The following SLC4A8 variants were observed in gnomAD, a reference collection of about 807,000 sequenced individuals.
The protein encoded by SLC4A8 is solute carrier family 4 member 8, also known as electroneutral sodium bicarbonate exchanger 1.
A neutral mutation model predicts 125.0 loss-of-function variants in SLC4A8; 40 were observed. The observed-to-expected ratio is 0.32, with a 90% CI of 0.25 to 0.42. The LOEUF is 0.42. Among genes scored for constraint, SLC4A8 ranks in the 10% least tolerant of loss-of-function variants. The pLI, the probability that SLC4A8 is intolerant of heterozygous loss-of-function variation, is 1.00. For missense variants in SLC4A8, 863 were observed against 1,355.1 expected (o/e 0.64, Z 5.70); for synonymous variants, 456 against 476.0 (o/e 0.96, Z 0.55).
rs1166723291 is a variant in SLC4A8, at chr12:51,404,861, AT to A, written c.-112+13380del. Reference sequence around the variant, plus strand: ...TTCTTTTGTCTCTTTTTCTTTCCTTATTTTTTTCTTGTTTTGATTGAAATTT... The same window carrying A: ...TTCTTTTGTCTCTTTTTCTTTCCTTATTTTTTCTTGTTTTGATTGAAATTT... On this transcript the variant is annotated intron_variant, in intron 1 of 24. Coordinates refer to the SLC4A8 transcript ENST00000358657. Among the ~76,000 whole-genome samples, 90 of 147,116 alleles carry A rather than the reference AT, an allele frequency of 6.1e-4. No individual in the cohort carries two copies. In the East Asian group the frequency reaches 0.016, roughly 26 times the overall value.
chr12:51,429,370 G>A (rs903760368), intron 1 of SLC4A8, among the ~76,000 whole-genome samples: 15 of 152,202 alleles, frequency 9.9e-5, no homozygotes, highest in African/African-American at 3.6e-4. Flanking sequence ...CACTCACTAA[G>A]TGTTTGGGAA....
At chr12:51,430,637 G>T (rs1274142223) in intron 1 of SLC4A8, among the ~76,000 whole-genome samples, 1 of 152,048 alleles carries the variant, frequency 6.6e-6, no homozygotes, top group African/African-American at 2.4e-5. Flanking sequence ...CTTGAGCAGA[G>T]AACTGGGGAC....
At chr12:51,418,719 C>A (rs1948731130) in intron 1 of SLC4A8, among the ~76,000 whole-genome samples, 1 of 151,986 alleles carries the variant, frequency 6.6e-6, no homozygotes, top group South Asian at 2.1e-4. Flanking sequence ...TTCCTTTTTG[C>A]CCCAGTCCTA....
intron 19 of SLC4A8, among the ~76,000 whole-genome samples, chr12:51,493,196 A>G (rs2138411577): frequency 6.6e-6 from 1 of 152,272 alleles, no homozygotes; most frequent in East Asian, 1.9e-4. Flanking sequence ...GCAGTATAAT[A>G]ATGTCGGTGT....
At chr12:51,438,744 A>G (rs1949497332) in intron 1 of SLC4A8, among the ~76,000 whole-genome samples, 1 of 152,128 alleles carries the variant, frequency 6.6e-6, no homozygotes, top group Non-Finnish European at 1.5e-5. Context: ...ATTCCCACCA[A>G]CAGTGTATAA....
rs544140554 is a variant in SLC4A8 at position 51,400,673 on chromosome 12, A to T, written c.-112+9185A>T. Among the ~76,000 whole-genome samples, 270 of 143,028 alleles carry T rather than the reference A, an allele frequency of 1.9e-3. 2 individuals are homozygous for T. The highest frequency in any genetic ancestry group is 0.017 in the Admixed American group (234 of 14,128). 93.8% of individuals were successfully genotyped at this position (143,028 alleles called of 152,430 possible). On this transcript the variant is annotated intron_variant, in intron 1 of 24. Coordinates refer to the SLC4A8 transcript ENST00000358657. ...GGGGTATAGATTGTCTAGTTTGTTT[A>T]TATGACATAACTTTTTTCCAACGGT...
intron 14 of SLC4A8, among the ~76,000 whole-genome samples, chr12:51,472,550 T>G (rs549508094): frequency 1.3e-5 from 2 of 152,376 alleles, no homozygotes; most frequent in South Asian, 4.1e-4. Flanking sequence ...AGGTTGATTC[T>G]TTGACCTCTT....
intron 1 of SLC4A8, among the ~76,000 whole-genome samples, chr12:51,393,038 TTTTC>T (rs1272766452): frequency 1.1e-4 from 14 of 128,612 alleles, no homozygotes; most frequent in Admixed American, 1.6e-4. Context: ...CTTTTTTCTT[TTTTC>T]TTTCTTTCTT....
chr12:51,514,210 T>A lies in SLC4A8; in HGVS notation c.*6772T>A, dbSNP rs773657210. 2.0e-5 allele frequency: 3 copies of A among 152,664 alleles called. No individual in the cohort carries two copies. Among genetic ancestry groups the A allele is most frequent in the Non-Finnish European group, 4.4e-5 (3 of 68,050 alleles). 9.5% of individuals were successfully genotyped at this position (152,664 alleles called of 1,614,324 possible). ...TGTCTTTGCCAATTTGTTCCTGGAT[T>A]TTCCTTGAACTTCTCAGGTTTCCAA... is the stretch of plus-strand genomic sequence containing the variant. On this transcript the variant is annotated 3_prime_UTR_variant, in exon 25 of 25. Transcript: ENST00000453097.
intron 18 of SLC4A8, 129 bp from the exon 19 acceptor site, chr12:51,489,571 G>T (rs752345163): frequency 5.9e-6 from 7 of 1,180,484 alleles, no homozygotes; most frequent in Non-Finnish European, 8.3e-6. Flanking sequence ...GACTCCTCTT[G>T]GATCCCTGAA....
At chr12:51,438,764 C>T (rs1438804782) in intron 1 of SLC4A8, among the ~76,000 whole-genome samples, 1 of 152,180 alleles carries the variant, frequency 6.6e-6, no homozygotes, top group African/African-American at 2.4e-5. Flanking sequence ...AGGGTTCTTT[C>T]TTCTTCATAT....
At position 51,474,372 on chromosome 12, in the gene SLC4A8, C is replaced by G. The variant is rs1357871237; in HGVS notation, c.1935C>G (p.Asn645Lys). The change falls in exon 15 of 25, where the codon AAC becomes AAG. Residue 645 changes from asparagine (N) to lysine (K), a missense_variant. Transcript: ENST00000453097. ...GGTGTACTCTGCCAGAGAATCCAAA[C>G]AATCACACCCTCCAGTACTGGAAGG... is the stretch of plus-strand genomic sequence containing the variant. The part of the protein sequence containing the change: ...YCRCTLPENP[N>K]NHTLQYWKDH... 6.3e-7 allele frequency: 1 copy of G among 1,599,820 alleles called. No individual in the cohort carries two copies. The highest frequency in any genetic ancestry group is 1.3e-5 in the African/African-American group (1 of 74,708).
At chr12:51,475,269 G>A in intron 16 of SLC4A8, 63 bp downstream of exon 16, 1 of 1,521,148 alleles carries the variant, frequency 6.6e-7, no homozygotes, top group African/African-American at 1.4e-5. Context: ...CCTTTTCTCA[G>A]CCTTCATGCT....
At chr12:51,464,057 G>A (rs1950436963) in intron 11 of SLC4A8, among the ~76,000 whole-genome samples, 2 of 151,980 alleles carry the variant, frequency 1.3e-5, no homozygotes, top group Non-Finnish European at 2.9e-5. Context: ...AAGCCTTCTA[G>A]GACTCTCTCT....
intron 1 of SLC4A8, among the ~76,000 whole-genome samples, chr12:51,436,548 CCCT>C (rs1949421821): frequency 6.6e-6 from 1 of 152,116 alleles, no homozygotes; most frequent in African/African-American, 2.4e-5. Context: ...CTTATTCCCT[CCCT>C]CCTCTCTAGG....
intron 15 of SLC4A8, 123 bp from the exon 16 acceptor site, chr12:51,474,922 G>T: frequency 1.2e-6 from 1 of 860,734 alleles, no homozygotes. Flanking sequence ...AGGTCAAGGG[G>T]ATGCTGCTTG....
chr12:51,420,553 A>ATACAAT (rs1214369531), upstream of SLC4A8, among the ~76,000 whole-genome samples: 28 of 152,344 alleles, frequency 1.8e-4, no homozygotes, highest in South Asian at 5.2e-3. Flanking sequence ...TTACAATTAT[A>ATACAAT]TGCAAAATTT....
chr12:51,465,254 A>G, intron 11 of SLC4A8, among the ~76,000 whole-genome samples: 1 of 152,218 alleles, frequency 6.6e-6, no homozygotes, highest in East Asian at 1.9e-4. Context: ...GGGTGTCCAC[A>G]CTTTAGGAAC....
In SLC4A8 at chr12:51,509,872, G is replaced by A. The variant is rs1168521212; in HGVS notation, c.*2434G>A. On this transcript the variant is annotated 3_prime_UTR_variant, in exon 25 of 25. Transcript: ENST00000453097. Reference sequence around the variant, plus strand: ...GGTGCGTTGTTGGGGTGAACTCCATGGGGAAGATTGTGAGTGAAGATGGGA... The same window carrying A: ...GGTGCGTTGTTGGGGTGAACTCCATAGGGAAGATTGTGAGTGAAGATGGGA... The A allele has an allele frequency of 3.3e-5, 5 of 152,386 alleles. No individual in the cohort carries two copies. The highest frequency in any genetic ancestry group is 1.2e-4 in the African/African-American group (5 of 41,428). 9.4% of individuals were successfully genotyped at this position (152,386 alleles called of 1,614,324 possible). A position where few individuals can be genotyped will look rare whatever the true frequency, so the allele number is the denominator to read the frequency against.
Sources: allele counts gnomAD v4.1 joint callset (sites outside exome capture counted in the v4.1 genomes callset), GRCh38; gene constraint gnomAD v4.1.1; transcripts MANE v1.5; gene names NCBI Gene and HGNC (gene_info 2026-07-23, HGNC 2026-07-21).